Variants in CADM2 observed in about 807,000 individuals in gnomAD.
The protein encoded by CADM2 is cell adhesion molecule 2, also known as immunoglobulin superfamily member 4D.
In CADM2, 12 loss-of-function variants were observed where a neutral mutation model predicts 49.8. The observed-to-expected ratio is 0.24, with a 90% CI of 0.15 to 0.39. CADM2 has a LOEUF of 0.39. Ranked by LOEUF, CADM2 falls within the 10% of genes least tolerant of loss-of-function variation. The probability of loss-of-function intolerance (pLI) is 1.00; values close to 1 mark genes in which losing one functional copy is unlikely to be tolerated. For synonymous variants in CADM2, 214 were observed against 175.4 expected (o/e 1.22, Z -1.74); for missense variants, 378 against 492.3 (o/e 0.77, Z 2.20).
At chr3:85,024,338 T>A (rs1017131902) in intron 1 of CADM2, among the ~76,000 whole-genome samples, 47 of 152,232 alleles carry the variant, frequency 3.1e-4, no homozygotes, top group African/African-American at 1.0e-3. Context: ...GCTTAGGGAA[T>A]TTAAACTCAG....
chr3:86,038,322 C>G (rs1204882828), intron 8 of CADM2, among the ~76,000 whole-genome samples: 1 of 152,108 alleles, frequency 6.6e-6, no homozygotes, highest in East Asian at 1.9e-4. Context: ...CTTTGTTTGC[C>G]TCTTAGAAGT....
rs141757328 is a variant in CADM2, at chr3:85,303,137, A to G, written c.61+343469A>G. 5.5e-3 allele frequency among the ~76,000 whole-genome samples: 837 copies of G among 152,040 alleles called. 5 individuals are homozygous for G. Among genetic ancestry groups the G allele is most frequent in the African/African-American group, 0.019 (795 of 41,508 alleles). ...GGTGTAAAAGCACTTTTCTCGTAGTATTAATTGTGTGCTGCCGAAAGCCTT... is the reference window on the plus strand; with the variant it reads ...GGTGTAAAAGCACTTTTCTCGTAGTGTTAATTGTGTGCTGCCGAAAGCCTT... On this transcript the variant is annotated intron_variant, in intron 1 of 9. Transcript: ENST00000383699.
chr3:85,639,420 G>C (rs2064635614), intron 1 of CADM2, among the ~76,000 whole-genome samples: 2 of 152,120 alleles, frequency 1.3e-5, no homozygotes, highest in South Asian at 4.1e-4. Flanking sequence ...GCCTTTAGTA[G>C]ATACAGGAAA....
At chr3:84,973,498 A>G (rs769986280) in intron 1 of CADM2, among the ~76,000 whole-genome samples, 2 of 152,208 alleles carry the variant, frequency 1.3e-5, no homozygotes, top group African/African-American at 2.4e-5. Context: ...GAAATATTCA[A>G]GAATGCTCTA....
At chr3:85,735,590 A>G (rs1021197118) in intron 2 of CADM2, among the ~76,000 whole-genome samples, 2 of 152,150 alleles carry the variant, frequency 1.3e-5, no homozygotes, top group Non-Finnish European at 2.9e-5. Context: ...AAAGACTGCA[A>G]TGAGAGTTGT....
At chr3:85,994,412 C>T (rs1559788802) in intron 8 of CADM2, 1 of 152,138 alleles carries the variant, frequency 6.6e-6, no homozygotes, top group Non-Finnish European at 1.5e-5. Context: ...TTAATCAAGA[C>T]CACTTAAACT....
intron 1 of CADM2, among the ~76,000 whole-genome samples, chr3:85,156,142 A>G (rs1211921606): frequency 1.3e-5 from 2 of 151,908 alleles, no homozygotes; most frequent in African/African-American, 4.8e-5. Flanking sequence ...ACTGAAGGAA[A>G]TAGAGACACA....
chr3:85,700,559 G>A (rs2066722936), intron 1 of CADM2, among the ~76,000 whole-genome samples: 1 of 152,114 alleles, frequency 6.6e-6, no homozygotes, highest in Admixed American at 6.5e-5. Context: ...GGTATTAGAA[G>A]CATTCAGGAC....
intron 1 of CADM2, among the ~76,000 whole-genome samples, chr3:85,694,364 A>C (rs1020782137): frequency 6.6e-6 from 1 of 152,210 alleles, no homozygotes; most frequent in African/African-American, 2.4e-5. Flanking sequence ...ACCAATACAC[A>C]CAGAGAAAAG....
chr3:85,981,106 C>G (rs1042228111), intron 8 of CADM2, among the ~76,000 whole-genome samples: 2 of 150,844 alleles, frequency 1.3e-5, no homozygotes, highest in African/African-American at 2.4e-5. Context: ...ATGTGGTCTT[C>G]CGGTCTTTTG....
chr3:85,284,090 A>T (rs2043568955), intron 1 of CADM2, among the ~76,000 whole-genome samples: 1 of 152,152 alleles, frequency 6.6e-6, no homozygotes, highest in African/African-American at 2.4e-5. Flanking sequence ...ATATTTTAAA[A>T]ACTCTGCCAG....
intron 1 of CADM2, among the ~76,000 whole-genome samples, chr3:85,091,294 T>G (rs1188338550): frequency 6.6e-6 from 1 of 152,116 alleles, no homozygotes; most frequent in South Asian, 2.1e-4. Context: ...CAATGGCAGC[T>G]AAATGATCTA....
chr3:85,038,735 A>G (rs1368365782), intron 1 of CADM2, among the ~76,000 whole-genome samples: 1 of 152,202 alleles, frequency 6.6e-6, no homozygotes, highest in Non-Finnish European at 1.5e-5. Context: ...AGCATATAGT[A>G]AATAATCAGC....
chr3:85,689,307 C>T (rs2066311885), intron 1 of CADM2, among the ~76,000 whole-genome samples: 1 of 152,090 alleles, frequency 6.6e-6, no homozygotes, highest in African/African-American at 2.4e-5. Flanking sequence ...CTGTGCAGTT[C>T]ATTGTATATA....
At chr3:85,553,616 G>A (rs1290321207) in intron 1 of CADM2, among the ~76,000 whole-genome samples, 1 of 152,110 alleles carries the variant, frequency 6.6e-6, no homozygotes, top group African/African-American at 2.4e-5. Context: ...AAGCTTTGGT[G>A]TACATAAGAC....
intron 1 of CADM2, among the ~76,000 whole-genome samples, chr3:85,230,267 G>T (rs752456991): frequency 1.3e-5 from 2 of 152,150 alleles, no homozygotes; most frequent in Non-Finnish European, 2.9e-5. Context: ...TATTTGGATG[G>T]ATGTGGATTC....
intron 8 of CADM2, among the ~76,000 whole-genome samples, chr3:86,021,832 G>T (rs1021711570): frequency 1.3e-5 from 2 of 152,130 alleles, no homozygotes; most frequent in Non-Finnish European, 2.9e-5. Flanking sequence ...AGGGGATAGG[G>T]AAAGAAATGG....
intron 8 of CADM2, among the ~76,000 whole-genome samples, chr3:85,995,983 G>A (rs1234376324): frequency 6.6e-5 from 10 of 151,600 alleles, no homozygotes; most frequent in Non-Finnish European, 8.8e-5. Context: ...CCAGCTACTC[G>A]GGAGGCTGAG....
In CADM2 at chr3:85,259,300, G is replaced by A. The variant is rs968002598; in HGVS notation, c.61+299632G>A. Among the ~76,000 whole-genome samples, 7 of 151,988 alleles carry A rather than the reference G, an allele frequency of 4.6e-5. No individual in the cohort carries two copies. In the East Asian group the frequency reaches 1.2e-3, roughly 25 times the overall value. ...ATGAATATTTTAGTCTGGTAACTAC[G>A]AACACTAAGTGAGTTTATTTTTTTA... On this transcript the variant is annotated intron_variant, in intron 1 of 9. Transcript: ENST00000383699.
Sources: gnomAD v4.1 joint callset for allele counts (sites outside exome capture counted in the v4.1 genomes callset) on GRCh38, gnomAD v4.1.1 for gene constraint, MANE v1.5 for transcripts, NCBI Gene and HGNC (gene_info 2026-07-23, HGNC 2026-07-21) for gene names.